CDH8: variants seen among roughly 807,000 people sequenced by gnomAD.
CDH8 encodes the protein cadherin 8.
CDH8 carries 17 observed loss-of-function variants against 68.1 expected under a neutral mutation model. That is an observed-to-expected ratio of 0.25 (90% CI 0.17 to 0.37). CDH8 has a LOEUF of 0.37. Among genes scored for constraint, CDH8 ranks in the 10% least tolerant of loss-of-function variants. The pLI, the probability that CDH8 is intolerant of heterozygous loss-of-function variation, is 1.00. For synonymous variants in CDH8, 372 were observed against 365.1 expected (o/e 1.02, Z -0.21); for missense variants, 763 against 999.3 (o/e 0.76, Z 3.19).
chr16:61,795,138 A>T (rs1469184105), intron 7 of CDH8, among the ~76,000 whole-genome samples: 3 of 152,038 alleles, frequency 2.0e-5, no homozygotes, highest in African/African-American at 7.2e-5. Flanking sequence ...CAAAACTCTG[A>T]TATAGGCCCT....
intron 2 of CDH8, among the ~76,000 whole-genome samples, chr16:61,930,700 A>G (rs1964528153): frequency 6.6e-6 from 1 of 152,234 alleles, no homozygotes; most frequent in African/African-American, 2.4e-5. Flanking sequence ...ACTCTTTTTC[A>G]GTCCTGGTAA....
At chr16:61,877,671 T>C (rs1370611877) in intron 3 of CDH8, among the ~76,000 whole-genome samples, 6 of 152,104 alleles carry the variant, frequency 3.9e-5, no homozygotes, top group Non-Finnish European at 5.9e-5. Flanking sequence ...AGACAGTATA[T>C]GTCACACAAA....
chr16:61,977,773 G>T (rs755102898), intron 2 of CDH8, among the ~76,000 whole-genome samples: 4 of 152,084 alleles, frequency 2.6e-5, no homozygotes, highest in African/African-American at 9.7e-5. Context: ...TTGGATAAAC[G>T]ATGTCCAAAC....
At chr16:61,751,325 C>T (rs1166120184) in intron 8 of CDH8, among the ~76,000 whole-genome samples, 2 of 131,424 alleles carry the variant, frequency 1.5e-5, no homozygotes, top group African/African-American at 5.6e-5. Flanking sequence ...AGATTTTCCT[C>T]TACAAGGAAA....
chr16:61,906,103 A>G (rs918216574), intron 2 of CDH8, among the ~76,000 whole-genome samples: 12 of 152,166 alleles, frequency 7.9e-5, no homozygotes, highest in African/African-American at 2.9e-4. Flanking sequence ...CATTACACAG[A>G]GTTGTGAAAC....
chr16:61,984,292 C>T (rs1965591318), intron 2 of CDH8, among the ~76,000 whole-genome samples: 1 of 152,122 alleles, frequency 6.6e-6, no homozygotes, highest in South Asian at 2.1e-4. Flanking sequence ...CCCCAACGCC[C>T]CACTTCTAAA....
intron 2 of CDH8, among the ~76,000 whole-genome samples, chr16:61,910,846 TA>T (rs1392129344): frequency 1.3e-5 from 2 of 152,146 alleles, no homozygotes; most frequent in South Asian, 2.1e-4. Context: ...TGATTTGTAG[TA>T]AAAATAAGAA....
chr16:62,014,164 A>G (rs1410085539), intron 2 of CDH8, among the ~76,000 whole-genome samples: 1 of 152,138 alleles, frequency 6.6e-6, no homozygotes, highest in African/African-American at 2.4e-5. Context: ...CTCCATGTGC[A>G]TGTGTGTGCA....
Position 61,652,977 on chromosome 16 carries a change from G to T in CDH8, c.*631C>A. The T allele has an allele frequency of 1.3e-6, 2 of 1,494,824 alleles. No individual in the cohort carries two copies. Among genetic ancestry groups the T allele is most frequent in the South Asian group, 2.6e-5 (2 of 75,928 alleles). The allele number at this position is 1,494,824 out of a possible 1,614,324, so 92.6% of individuals were successfully genotyped here. On this transcript the variant is annotated 3_prime_UTR_variant, in exon 12 of 12. Coordinates refer to ENST00000577390, the MANE Select transcript of CDH8 (RefSeq NM_001796.5). The stretch of plus-strand genomic sequence containing the variant: ...CAAGCCCCACCCTGGAATGGATTAC[G>T]AACATGTGAATATTTTAAGGCTCGA...
intron 3 of CDH8, among the ~76,000 whole-genome samples, chr16:61,884,767 C>T (rs1024996898): frequency 6.6e-6 from 1 of 152,064 alleles, no homozygotes; most frequent in East Asian, 1.9e-4. Flanking sequence ...AACCATGTGT[C>T]AATTAACTGC....
intron 8 of CDH8, among the ~76,000 whole-genome samples, chr16:61,769,693 G>C (rs1274012086): frequency 6.6e-6 from 1 of 151,814 alleles, no homozygotes; most frequent in Non-Finnish European, 1.5e-5. Context: ...TTTAAAATTA[G>C]ATGTTTCTGT....
chr16:62,029,040 G>C (rs1214057728), intron 1 of CDH8, among the ~76,000 whole-genome samples: 1 of 152,214 alleles, frequency 6.6e-6, no homozygotes, highest in Non-Finnish European at 1.5e-5. Flanking sequence ...TGACTCTAGA[G>C]TCAGATAGAA....
chr16:61,768,433 T>TCC (rs1960691162), intron 8 of CDH8, among the ~76,000 whole-genome samples: 7 of 141,064 alleles, frequency 5.0e-5, no homozygotes, highest in Non-Finnish European at 9.2e-5. Flanking sequence ...TCTCTCCCTC[T>TCC]CCCTCTCTCT....
intron 9 of CDH8, among the ~76,000 whole-genome samples, chr16:61,721,180 A>T (rs1272550234): frequency 1.3e-5 from 2 of 150,492 alleles, no homozygotes. Context: ...TTTGTTAATG[A>T]CTCTCTTGAA....
intron 2 of CDH8, among the ~76,000 whole-genome samples, chr16:61,989,339 T>G (rs1324778082): frequency 7.9e-5 from 12 of 152,198 alleles, no homozygotes; most frequent in Non-Finnish European, 2.9e-5. Flanking sequence ...AAATGAGTTT[T>G]CCCACACATG....
At chr16:61,861,911 T>C (rs944365261) in intron 3 of CDH8, among the ~76,000 whole-genome samples, 1 of 152,172 alleles carries the variant, frequency 6.6e-6, no homozygotes, top group Non-Finnish European at 1.5e-5. Flanking sequence ...TATGTGTGTA[T>C]ACAGGTAAAA....
intron 10 of CDH8, among the ~76,000 whole-genome samples, chr16:61,711,298 C>G (rs1964626287): frequency 6.7e-6 from 1 of 149,816 alleles, no homozygotes; most frequent in African/African-American, 2.5e-5. Context: ...GTGGCAAGTT[C>G]CTTAGAAAAT....
At chr16:61,979,070 CA>C (rs1293212859) in intron 2 of CDH8, among the ~76,000 whole-genome samples, 1 of 149,404 alleles carries the variant, frequency 6.7e-6, no homozygotes, top group Admixed American at 6.7e-5. Flanking sequence ...AAAAAAAAAG[CA>C]GAGAGAAATA....
Position 61,923,367 on chromosome 16 carries a change from G to A in CDH8, c.253-21894C>T, listed in dbSNP as rs192523688. ...TAAAATTAATTGATAATGGACATCC[G>A]CACTCAATCTTTTTAGTCCTCAGTG... On this transcript the variant is annotated intron_variant, in intron 2 of 11. Transcript: ENST00000577390. 7.3e-4 allele frequency among the ~76,000 whole-genome samples: 111 copies of A among 152,124 alleles called. 1 individual carries two copies. The highest frequency in any genetic ancestry group is 2.1e-3 in the African/African-American group (86 of 41,510).
Sources: allele counts gnomAD v4.1 joint callset (sites outside exome capture counted in the v4.1 genomes callset), GRCh38; gene constraint gnomAD v4.1.1; transcripts MANE v1.5; gene names NCBI Gene and HGNC (gene_info 2026-07-23, HGNC 2026-07-21).